Variants in RNF121 observed in about 807,000 individuals in gnomAD.
RNF121 encodes the protein ring finger protein 121, also known as E3 ubiquitin ligase RNF121.
A neutral mutation model predicts 46.5 loss-of-function variants in RNF121; 21 were observed. That is an observed-to-expected ratio of 0.45 (90% confidence interval 0.32 to 0.65). The LOEUF (loss-of-function observed/expected upper bound fraction) is 0.65. RNF121 is among the 30% of genes least tolerant of loss of function. RNF121 has a pLI of 0.04. For missense variants in RNF121, 346 were observed against 416.0 expected, an observed-to-expected ratio of 0.83 and a Z score of 1.46; for synonymous variants, 139 against 144.7, an observed-to-expected ratio of 0.96 and a Z score of 0.28.
intron 7 of RNF121, among the ~76,000 whole-genome samples, 164 bp downstream of exon 7, chr11:71,995,016 C>T (rs143542435): frequency 5.1e-4 from 78 of 152,266 alleles, no homozygotes; most frequent in African/African-American, 1.8e-3. Flanking sequence ...AGATCAGAGC[C>T]ACTCTTAGGT....
intron 4 of RNF121, among the ~76,000 whole-genome samples, chr11:71,984,878 C>T (rs535367562): frequency 9.9e-5 from 15 of 151,138 alleles, no homozygotes; most frequent in Middle Eastern, 3.5e-3. Flanking sequence ...TGAGCCACCA[C>T]GCCCAGCCCT....
At position 71,957,950 on chromosome 11, in the gene RNF121, A is replaced by G. The variant is rs137900463; in HGVS notation, c.101+686A>G. On this transcript the variant is annotated intron_variant, in intron 2 of 8. Coordinates refer to ENST00000361756, the MANE Select transcript of RNF121 (RefSeq NM_018320.5). ...AAACCTATTGATTTTATTTAGATTA[A>G]AACTATTGACTATAAAAACATAGAA... Among the ~76,000 whole-genome samples the G allele has an allele frequency of 9.8e-5, 15 of 152,322 alleles. No individual in the cohort carries two copies. In the East Asian group the frequency reaches 2.9e-3, roughly 29 times the overall value.
At chr11:71,944,999 T>G (rs1229346186) in intron 1 of RNF121, among the ~76,000 whole-genome samples, 2 of 150,224 alleles carry the variant, frequency 1.3e-5, no homozygotes, top group Non-Finnish European at 3.0e-5. Flanking sequence ...TTTTTGTTGT[T>G]TTTTTTTTTG....
chr11:71,932,906 A>G (rs1953308178), intron 1 of RNF121, among the ~76,000 whole-genome samples: 1 of 152,206 alleles, frequency 6.6e-6, no homozygotes, highest in African/African-American at 2.4e-5. Context: ...ACCCCTTTTC[A>G]GGAGGGATGA....
At chr11:71,960,495 G>A (rs1954104648) in intron 2 of RNF121, among the ~76,000 whole-genome samples, 1 of 152,138 alleles carries the variant, frequency 6.6e-6, no homozygotes, top group South Asian at 2.1e-4. Flanking sequence ...CTTCCATGGG[G>A]GCAGGCAGCA....
intron 3 of RNF121, among the ~76,000 whole-genome samples, chr11:71,963,704 T>C (rs1034676214): frequency 1.3e-5 from 2 of 152,244 alleles, no homozygotes; most frequent in African/African-American, 4.8e-5. Flanking sequence ...GAGATAAGAA[T>C]CTAAGTTCAT....
intron 3 of RNF121, among the ~76,000 whole-genome samples, chr11:71,963,123 T>C (rs756280022): frequency 5.9e-5 from 9 of 152,270 alleles, no homozygotes; most frequent in South Asian, 2.1e-4. Flanking sequence ...TTATCAGATA[T>C]ATGATTTTAA....
chr11:71,930,414 A>G (rs1159054238), intron 1 of RNF121, among the ~76,000 whole-genome samples: 2 of 152,090 alleles, frequency 1.3e-5, no homozygotes, highest in African/African-American at 4.8e-5. Flanking sequence ...TGGTAGTGGG[A>G]TGAGTTGGAG....
chr11:71,957,146 C>A, intron 1 of RNF121, 81 bp from the exon 2 acceptor site: 1 of 893,708 alleles, frequency 1.1e-6, no homozygotes, highest in Non-Finnish European at 1.9e-6. Flanking sequence ...CTTGAAGATA[C>A]TGATAAATGT....
intron 1 of RNF121, among the ~76,000 whole-genome samples, chr11:71,951,617 C>T (rs1953883858): frequency 7.1e-6 from 1 of 140,850 alleles, no homozygotes; most frequent in Admixed American, 7.3e-5. Context: ...AGCCTGGGCA[C>T]TATAGCAAGA....
At chr11:71,988,903 G>A (rs1954816986) in intron 5 of RNF121, among the ~76,000 whole-genome samples, 1 of 152,146 alleles carries the variant, frequency 6.6e-6, no homozygotes, top group Non-Finnish European at 1.5e-5. Flanking sequence ...GGTAGTACAG[G>A]CTGAAGGAAT....
intron 3 of RNF121, among the ~76,000 whole-genome samples, chr11:71,969,120 CAG>C: frequency 6.6e-6 from 1 of 152,142 alleles, no homozygotes; most frequent in African/African-American, 2.4e-5. Flanking sequence ...CTCCTGACCT[CAG>C]GTGATCCACC....
chr11:71,992,330 C>T (rs1259692584), intron 6 of RNF121, among the ~76,000 whole-genome samples: 1 of 152,168 alleles, frequency 6.6e-6, no homozygotes, highest in African/African-American at 2.4e-5. Flanking sequence ...ATTGGGGAAG[C>T]TTTCATACTT....
rs1453560916 is a variant in RNF121, at chr11:71,996,925, T to C, written c.*610T>C. On this transcript the variant is annotated 3_prime_UTR_variant, in exon 9 of 9. Transcript: ENST00000361756. ...AGGCAAGTGGAACCTTATCAGTGACTTGGCCAACAAGGGAAGCCTTGGGGC... is the reference window on the plus strand; with the variant it reads ...AGGCAAGTGGAACCTTATCAGTGACCTGGCCAACAAGGGAAGCCTTGGGGC... 6.6e-6 allele frequency: 1 copy of C among 152,412 alleles called. No individual in the cohort carries two copies. The highest frequency in any genetic ancestry group is 2.4e-5 in the African/African-American group (1 of 41,470). The allele number at this position is 152,412 out of a possible 1,614,324, so 9.4% of individuals were successfully genotyped here.
chr11:71,986,948 A>G, intron 4 of RNF121, 56 bp from the exon 5 acceptor site: 1 of 991,554 alleles, frequency 1.0e-6, no homozygotes, highest in Non-Finnish European at 1.6e-6. Context: ...GGTGATCAGG[A>G]CCATTAAGGC....
chr11:71,938,118 A>G (rs1271442168), intron 1 of RNF121, among the ~76,000 whole-genome samples: 1 of 152,098 alleles, frequency 6.6e-6, no homozygotes, highest in African/African-American at 2.4e-5. Context: ...CAATAACTCA[A>G]TGTATTCTGT....
At chr11:71,974,513 T>G (rs2134195166) in intron 3 of RNF121, among the ~76,000 whole-genome samples, 1 of 152,334 alleles carries the variant, frequency 6.6e-6, no homozygotes, top group East Asian at 1.9e-4. Context: ...GTTTTCAGAT[T>G]AGTAAACCAA....
intron 1 of RNF121, among the ~76,000 whole-genome samples, chr11:71,945,094 C>T (rs1415337829): frequency 1.3e-5 from 2 of 151,732 alleles, no homozygotes; most frequent in African/African-American, 4.8e-5. Context: ...CTCAAGTGAT[C>T]CTCCTGCCTC....
chr11:71,932,500 C>G (rs911567867), intron 1 of RNF121, among the ~76,000 whole-genome samples: 1 of 152,296 alleles, frequency 6.6e-6, no homozygotes, highest in East Asian at 1.9e-4. Flanking sequence ...AAAATTGTAT[C>G]GTCTTAATCA....
Sources: allele counts gnomAD v4.1 joint callset (sites outside exome capture counted in the v4.1 genomes callset), GRCh38; gene constraint gnomAD v4.1.1; transcripts MANE v1.5; gene names NCBI Gene and HGNC (gene_info 2026-07-23, HGNC 2026-07-21).